CACNA1E: variants seen among roughly 807,000 people sequenced by gnomAD.
The protein encoded by CACNA1E is calcium voltage-gated channel subunit alpha1 E, also known as voltage-dependent R-type calcium channel subunit alpha-1E.
A neutral mutation model predicts 259.2 loss-of-function variants in CACNA1E; 40 were observed. That is an observed-to-expected ratio of 0.15 (90% CI 0.12 to 0.20). The LOEUF (loss-of-function observed/expected upper bound fraction) is 0.20, where lower values mean the gene tolerates loss of function less well. CACNA1E is among the 10% of genes least tolerant of loss of function. CACNA1E has a pLI of 1.00. For missense variants in CACNA1E, 1,874 were observed against 3,040.1 expected, an observed-to-expected ratio of 0.62 and a Z score of 9.02; for synonymous variants, 1,104 against 1,138.5, an observed-to-expected ratio of 0.97 and a Z score of 0.61.
chr1:181,542,868 T>G (rs193130740), intron 3 of CACNA1E, among the ~76,000 whole-genome samples: 5 of 149,842 alleles, frequency 3.3e-5, no homozygotes, highest in African/African-American at 1.2e-4. Flanking sequence ...AGATGCTCCA[T>G]ATATAAGGGG....
chr1:181,752,090 A>G (rs937408028), intron 26 of CACNA1E, 53 bp from the exon 27 acceptor site: 71 of 1,250,330 alleles, frequency 5.7e-5, no homozygotes, highest in Non-Finnish European at 7.8e-5. Flanking sequence ...TTTGAATGTC[A>G]TTTTTATTTC....
intron 2 of CACNA1E, among the ~76,000 whole-genome samples, chr1:181,467,797 A>C (rs541560270): frequency 6.6e-6 from 1 of 152,146 alleles, no homozygotes; most frequent in South Asian, 2.1e-4. Flanking sequence ...CAATCTATTT[A>C]ATTATTCTAC....
intron 22 of CACNA1E, 88 bp downstream of exon 22, chr1:181,736,522 G>A: frequency 8.1e-7 from 1 of 1,236,464 alleles, no homozygotes; most frequent in Non-Finnish European, 1.1e-6. Flanking sequence ...GAGGAAGGAT[G>A]GGGGCCCAGC....
At chr1:181,539,815 T>C (rs754300217) in intron 3 of CACNA1E, among the ~76,000 whole-genome samples, 65 of 152,354 alleles carry the variant, frequency 4.3e-4, no homozygotes, top group Non-Finnish European at 4.0e-4. Flanking sequence ...CCACAGAAGA[T>C]AGACCCAGAG....
intron 3 of CACNA1E, among the ~76,000 whole-genome samples, chr1:181,531,717 G>A (rs534609509): frequency 6.6e-6 from 1 of 152,212 alleles, no homozygotes; most frequent in East Asian, 1.9e-4. Flanking sequence ...AGCAGTAAGA[G>A]TGTGGGTTCT....
At chr1:181,403,006 T>G (rs1279341310) in intron 1 of CACNA1E, among the ~76,000 whole-genome samples, 4 of 152,144 alleles carry the variant, frequency 2.6e-5, no homozygotes. Flanking sequence ...GAATTTCAGG[T>G]CTTGAGTTCA....
At chr1:181,625,590 C>T (rs75955819) in intron 6 of CACNA1E, among the ~76,000 whole-genome samples, 7,071 of 152,206 alleles carry the variant, frequency 0.046, 568 homozygotes, top group African/African-American at 0.16. Context: ...CCTTTATTAG[C>T]CTTCACAGAA....
chr1:181,618,795 G>T lies in CACNA1E; in HGVS notation c.952-32543G>T, dbSNP rs373669088. On this transcript the variant is annotated intron_variant, in intron 6 of 47. Coordinates refer to ENST00000367573, the MANE Select transcript of CACNA1E (RefSeq NM_001205293.3). ...CTAATTCAGTGAGTAGTACAGGGTA[G>T]GTGCTCAATAAATATTTGCTGAGTA... 1.2e-4 allele frequency among the ~76,000 whole-genome samples: 18 copies of T among 152,296 alleles called. 1 individual carries two copies. In the South Asian group the frequency reaches 3.3e-3, roughly 28 times the overall value.
rs1655582634 is a variant in CACNA1E at position 181,732,484 on chromosome 1, G to A, written c.2398G>A (p.Glu800Lys). The change falls in exon 20 of 48, where the codon GAG becomes AAG. Residue 800 changes from glutamate to lysine, a missense_variant. By Grantham distance (56) the Glu-to-Lys change is moderately conservative. Around this residue, in one of 14 missense-constraint regions of CACNA1E, gnomAD observed 476 missense variants for 514.0 expected, o/e 0.93. Transcript: ENST00000367573. The surrounding 1 kb of genome is among the most constrained non-coding windows in gnomAD (Gnocchi z 5.5). ...QMSSQEALNREEAPTMNPLNP... is the reference protein window; with the variant it reads ...QMSSQEALNRKEAPTMNPLNP... ...GTCCAGCCAGGAGGCCCTCAACAGA[G>A]AGGAGGCGCCGACCATGAACCCGCT... The A allele has an allele frequency of 6.4e-7, 1 of 1,551,600 alleles. No homozygotes were observed. The highest frequency in any genetic ancestry group is 8.7e-7 in the Non-Finnish European group (1 of 1,146,948).
intron 1 of CACNA1E, among the ~76,000 whole-genome samples, chr1:181,402,076 A>T (rs570040412): frequency 1.3e-5 from 2 of 152,238 alleles, no homozygotes; most frequent in Non-Finnish European, 2.9e-5. Context: ...GTATCATTAC[A>T]TATTTTCAAA....
At chr1:181,651,533 C>G in intron 7 of CACNA1E, 92 bp downstream of exon 7, 1 of 901,680 alleles carries the variant, frequency 1.1e-6, no homozygotes, top group Non-Finnish European at 1.8e-6. Context: ...ATTCATTTAA[C>G]CTTCATTTAG....
intron 2 of CACNA1E, among the ~76,000 whole-genome samples, chr1:181,431,697 C>A (rs768157189): frequency 1.3e-5 from 2 of 152,174 alleles, no homozygotes; most frequent in African/African-American, 2.4e-5. Flanking sequence ...GCCTGCTTTG[C>A]CTGGCATTCT....
chr1:181,785,194 T>C (rs1399022113), intron 41 of CACNA1E, 124 bp from the exon 42 acceptor site: 28 of 678,690 alleles, frequency 4.1e-5, no homozygotes, highest in Admixed American at 8.6e-5. Flanking sequence ...TCAATATACA[T>C]TGGATGAATG....
intron 24 of CACNA1E, among the ~76,000 whole-genome samples, chr1:181,738,701 C>T (rs938135877): frequency 4.6e-5 from 7 of 152,310 alleles, no homozygotes; most frequent in Middle Eastern, 3.4e-3. Context: ...CCTGCACTCC[C>T]CTCCCCAGTG....
intron 36 of CACNA1E, 124 bp from the exon 37 acceptor site, chr1:181,771,942 T>C (rs1659554517): frequency 4.9e-6 from 4 of 824,702 alleles, no homozygotes; most frequent in Non-Finnish European, 7.6e-6. Flanking sequence ...AGGGGTCAAC[T>C]GGGTAAAAAG....
chr1:181,753,966 C>T (rs1188885392), intron 27 of CACNA1E, among the ~76,000 whole-genome samples: 1 of 152,222 alleles, frequency 6.6e-6, no homozygotes, highest in Non-Finnish European at 1.5e-5. Context: ...CGACTGCTGT[C>T]CTCCCTGGCT....
chr1:181,356,109 G>T (rs1653413944), intron 1 of CACNA1E, among the ~76,000 whole-genome samples: 1 of 152,140 alleles, frequency 6.6e-6, no homozygotes, highest in Non-Finnish European at 1.5e-5. Flanking sequence ...CCATCACAGT[G>T]CCTGGTGCCC....
rs1419667758 is a variant in CACNA1E, at chr1:181,579,241, C to T, written c.769+17C>T. On this transcript the variant is annotated intron_variant, in intron 5 of 47. Coordinates refer to ENST00000367573, the MANE Select transcript of CACNA1E (RefSeq NM_001205293.3). ...ACAATTCAGGTAGGGTCGTTCTTTT[C>T]TGTCTTCTCCTTTTCCCTTCTCCCC... 1.9e-6 allele frequency: 3 copies of T among 1,585,706 alleles called. No individual in the cohort carries two copies. Among genetic ancestry groups the T allele is most frequent in the Non-Finnish European group, 2.6e-6 (3 of 1,164,970 alleles).
chr1:181,595,868 A>G (rs886131838), intron 6 of CACNA1E, among the ~76,000 whole-genome samples: 8 of 152,256 alleles, frequency 5.3e-5, no homozygotes, highest in Non-Finnish European at 1.2e-4. Flanking sequence ...TCAGCACACC[A>G]TGCCTGGGAA....
Sources: gnomAD v4.1 joint callset for allele counts (sites outside exome capture counted in the v4.1 genomes callset) on GRCh38, gnomAD v4.1.1 for gene constraint, gnomAD v4.1.1 regional missense constraint, Gnocchi (gnomAD v3.1) non-coding constraint, MANE v1.5 for transcripts, NCBI Gene and HGNC (gene_info 2026-07-23, HGNC 2026-07-21) for gene names.